The following CDK14 variants were observed in gnomAD, a reference collection of about 807,000 sequenced individuals.
CDK14 encodes the protein cyclin-dependent kinase 14.
Under a neutral mutation model 60.7 loss-of-function variants are expected in CDK14, and 34 were observed. The ratio of observed to expected loss-of-function variants is 0.56; its 90% CI spans 0.43 to 0.75. The LOEUF (loss-of-function observed/expected upper bound fraction) is 0.75. CDK14 is among the 30% of genes least tolerant of loss of function. The probability of loss-of-function intolerance (pLI) is 0.00; values close to 1 mark genes in which losing one functional copy is unlikely to be tolerated. For synonymous variants in CDK14, 197 were observed against 203.7 expected (o/e 0.97, Z 0.28); for missense variants, 482 against 564.1 (o/e 0.85, Z 1.47).
At chr7:91,023,849 G>A (rs757357891) in intron 10 of CDK14, among the ~76,000 whole-genome samples, 3 of 151,912 alleles carry the variant, frequency 2.0e-5, no homozygotes, top group Non-Finnish European at 2.9e-5. Flanking sequence ...CTTAGCTCAC[G>A]GCAACCTCCG....
intron 5 of CDK14, among the ~76,000 whole-genome samples, chr7:90,853,382 T>G (rs1028665007): frequency 6.6e-6 from 1 of 152,044 alleles, no homozygotes; most frequent in African/African-American, 2.4e-5. Flanking sequence ...AGTAGCTTTG[T>G]GTGTGAGAGA....
intron 6 of CDK14, among the ~76,000 whole-genome samples, chr7:90,868,743 T>A (rs73403521): frequency 0.03 from 4,638 of 152,232 alleles, 233 homozygotes; most frequent in African/African-American, 0.1. Context: ...CTCAGCTCTT[T>A]GAGTTGTAGG....
At chr7:90,867,112 G>T (rs1791218102) in intron 6 of CDK14, among the ~76,000 whole-genome samples, 1 of 152,124 alleles carries the variant, frequency 6.6e-6, no homozygotes, top group African/African-American at 2.4e-5. Flanking sequence ...CCAGGCAGTT[G>T]GGTCTAATAT....
At position 90,757,644 on chromosome 7, in the gene CDK14, T is replaced by C. The variant is rs573370261; in HGVS notation, c.464+9869T>C. Reference sequence around the variant, plus strand: ...CAGGGTCTCACTCTGTCGCCCAGGCTGGAGTGCGGTGGTGCATGCAGTCTT... The same window carrying C: ...CAGGGTCTCACTCTGTCGCCCAGGCCGGAGTGCGGTGGTGCATGCAGTCTT... On this transcript the variant is annotated intron_variant, in intron 4 of 14. Coordinates refer to ENST00000380050, the MANE Select transcript of CDK14 (RefSeq NM_001287135.2). Among the ~76,000 whole-genome samples the C allele has an allele frequency of 2.6e-5, 4 of 151,964 alleles. No individual in the cohort carries two copies. The East Asian group carries it at 7.8e-4, about 29-fold the overall frequency.
intron 6 of CDK14, among the ~76,000 whole-genome samples, chr7:90,871,296 A>C (rs762212982): frequency 6.6e-6 from 1 of 152,188 alleles, no homozygotes; most frequent in Non-Finnish European, 1.5e-5. Context: ...TTAAAAAAAG[A>C]AAGCATCCCA....
chr7:91,098,019 G>C (rs972566905), intron 12 of CDK14, among the ~76,000 whole-genome samples: 3 of 152,168 alleles, frequency 2.0e-5, no homozygotes, highest in African/African-American at 7.2e-5. Flanking sequence ...TGTAGGAGTG[G>C]AAAGCATTGA....
At chr7:90,868,122 T>C (rs11975117) in intron 6 of CDK14, among the ~76,000 whole-genome samples, 4,632 of 151,980 alleles carry the variant, frequency 0.03, 234 homozygotes, top group African/African-American at 0.1. Flanking sequence ...AGAGCAAGAA[T>C]TTGTCTCTAA....
chr7:90,772,081 G>T (rs971572630), intron 4 of CDK14, among the ~76,000 whole-genome samples: 1 of 152,186 alleles, frequency 6.6e-6, no homozygotes, highest in African/African-American at 2.4e-5. Flanking sequence ...TGAACATTTG[G>T]ATATAGTCTC....
intron 9 of CDK14, among the ~76,000 whole-genome samples, chr7:90,975,203 C>T (rs1362742781): frequency 6.6e-6 from 1 of 152,088 alleles, no homozygotes; most frequent in Non-Finnish European, 1.5e-5. Context: ...CTGTAAATTA[C>T]ATTTTTTTCT....
At chr7:90,665,778 A>G (rs1411339517) in intron 2 of CDK14, among the ~76,000 whole-genome samples, 1 of 152,200 alleles carries the variant, frequency 6.6e-6, no homozygotes, top group Non-Finnish European at 1.5e-5. Context: ...GAGGAGTAGT[A>G]GTATTCCATA....
chr7:90,692,891 G>T (rs1343441766), intron 2 of CDK14, among the ~76,000 whole-genome samples: 1 of 151,376 alleles, frequency 6.6e-6, no homozygotes, highest in African/African-American at 2.4e-5. Context: ...TTGGTCTGAT[G>T]AGAAAGAAAA....
intron 4 of CDK14, among the ~76,000 whole-genome samples, chr7:90,782,588 C>G (rs1279231169): frequency 6.6e-6 from 1 of 152,020 alleles, no homozygotes; most frequent in Non-Finnish European, 1.5e-5. Flanking sequence ...TGTCTGTTTC[C>G]TTGGCTAAAC....
At chr7:90,823,452 A>G (rs949186083) in intron 5 of CDK14, among the ~76,000 whole-genome samples, 29 of 152,222 alleles carry the variant, frequency 1.9e-4, no homozygotes, top group Non-Finnish European at 3.7e-4. Flanking sequence ...TTCTCACTAC[A>G]TCCTTCAATT....
chr7:90,748,622 GCC>G (rs1243898972), intron 4 of CDK14, among the ~76,000 whole-genome samples: 3 of 152,178 alleles, frequency 2.0e-5, no homozygotes, highest in Non-Finnish European at 4.4e-5. Context: ...TCGCCCTGTT[GCC>G]CAGGCTGGAG....
At position 90,626,065 on chromosome 7, in the gene CDK14, G is replaced by A. The variant is rs1236665005; in HGVS notation, c.123+21816G>A. ...CTCTGCAAATCAATACAATCTTTCT[G>A]TGACTTCCACTGGTAGCACCATTCT... On this transcript the variant is annotated intron_variant, in intron 2 of 14. Transcript: ENST00000380050. Among the ~76,000 whole-genome samples the A allele has an allele frequency of 3.3e-5, 5 of 152,140 alleles. No homozygotes were observed. The East Asian group carries it at 5.8e-4, about 18-fold the overall frequency.
intron 14 of CDK14, among the ~76,000 whole-genome samples, chr7:91,121,575 T>A (rs1303394319): frequency 1.3e-5 from 2 of 152,192 alleles, no homozygotes; most frequent in Non-Finnish European, 2.9e-5. Context: ...TTGGTCTTAG[T>A]GGAAAATCTA....
intron 14 of CDK14, among the ~76,000 whole-genome samples, chr7:91,168,824 G>A (rs1801428503): frequency 6.6e-6 from 1 of 152,108 alleles, no homozygotes; most frequent in Non-Finnish European, 1.5e-5. Flanking sequence ...ATTCACAAAT[G>A]AGGACATTAA....
At chr7:90,742,834 A>G (rs894992237) in intron 3 of CDK14, among the ~76,000 whole-genome samples, 7 of 151,982 alleles carry the variant, frequency 4.6e-5, no homozygotes, top group Non-Finnish European at 8.8e-5. Context: ...AAAAAAAACC[A>G]TTTATTGTGT....
intron 6 of CDK14, among the ~76,000 whole-genome samples, chr7:90,868,841 G>A (rs1791278506): frequency 6.6e-6 from 1 of 152,144 alleles, no homozygotes. Flanking sequence ...ATTTAGCCAA[G>A]TTAAAATGGT....
Sources: allele counts gnomAD v4.1 joint callset (sites outside exome capture counted in the v4.1 genomes callset), GRCh38; gene constraint gnomAD v4.1.1; transcripts MANE v1.5; gene names NCBI Gene and HGNC (gene_info 2026-07-23, HGNC 2026-07-21).